The following TBC1D32 variants were observed in gnomAD, a reference collection of about 807,000 sequenced individuals.
TBC1D32 encodes TBC1 domain family member 32, also known as protein broad-minded.
A neutral mutation model predicts 170.3 loss-of-function variants in TBC1D32; 151 were observed. The observed-to-expected ratio is 0.89, with a 90% CI of 0.78 to 1.01. The LOEUF is 1.01. Among genes scored for constraint, TBC1D32 ranks in the 50% least tolerant of loss-of-function variants. The pLI, the probability that TBC1D32 is intolerant of heterozygous loss-of-function variation, is 0.00. For missense variants in TBC1D32, 1,464 were observed against 1,457.1 expected (o/e 1.00, Z -0.08); for synonymous variants, 498 against 488.0 (o/e 1.02, Z -0.27).
chr6:121,284,995 CAATG>C (rs1803571948), intron 12 of TBC1D32, among the ~76,000 whole-genome samples: 1 of 151,778 alleles, frequency 6.6e-6, no homozygotes, highest in African/African-American at 2.4e-5. Flanking sequence ...AGCTCACAAT[CAATG>C]AGAAGAAAAG....
At position 121,303,710 on chromosome 6, in the gene TBC1D32, A is replaced by AT; in HGVS notation, c.986dup (p.His329GlnfsTer2). The AT allele has an allele frequency of 6.3e-7, 1 of 1,595,130 alleles. No individual in the cohort carries two copies. The highest frequency in any genetic ancestry group is 8.6e-7 in the Non-Finnish European group (1 of 1,167,448). On this transcript the variant is annotated frameshift_variant, in exon 9 of 32. Transcript: ENST00000398212. LOFTEE classifies it high-confidence loss of function. ...TTTGTGAGACAACATGGCTTTGATTATGTTTAACTGTTAACAAGGACAAAG... is the reference window on the plus strand; with the variant it reads ...TTTGTGAGACAACATGGCTTTGATTATTGTTTAACTGTTAACAAGGACAAAG...
At chr6:121,139,883 T>C (rs1782579214) in intron 24 of TBC1D32, 1 of 152,160 alleles carries the variant, frequency 6.6e-6, no homozygotes, top group East Asian at 1.9e-4. Context: ...TTAACCAAAA[T>C]GCATTGCAAC....
At chr6:121,154,333 C>A (rs774618410) in intron 24 of TBC1D32, among the ~76,000 whole-genome samples, 4 of 152,148 alleles carry the variant, frequency 2.6e-5, no homozygotes, top group Non-Finnish European at 5.9e-5. Flanking sequence ...ACTGTCTAAC[C>A]AGTCCCAGTG....
At chr6:121,102,856 T>C (rs890197146) in intron 30 of TBC1D32, among the ~76,000 whole-genome samples, 3 of 152,136 alleles carry the variant, frequency 2.0e-5, no homozygotes, top group Non-Finnish European at 2.9e-5. Context: ...AAAGGGCTAA[T>C]ATCCAGAATC....
intron 26 of TBC1D32, among the ~76,000 whole-genome samples, chr6:121,117,571 A>T (rs1181791092): frequency 6.6e-6 from 1 of 152,006 alleles, no homozygotes; most frequent in East Asian, 1.9e-4. Flanking sequence ...GCGTGGTGGC[A>T]CATGTCTGTA....
intron 25 of TBC1D32, among the ~76,000 whole-genome samples, chr6:121,130,874 T>C (rs1336773899): frequency 6.6e-6 from 1 of 152,120 alleles, no homozygotes; most frequent in African/African-American, 2.4e-5. Flanking sequence ...AAACATAGTT[T>C]AACTGCTCAC....
At chr6:121,324,006 T>C (rs1254611980) in intron 1 of TBC1D32, among the ~76,000 whole-genome samples, 4 of 152,202 alleles carry the variant, frequency 2.6e-5, no homozygotes, top group Admixed American at 6.5e-5. Flanking sequence ...AAGCACTTTA[T>C]TGATATTATT....
At position 121,131,854 on chromosome 6, in the gene TBC1D32, C is replaced by T. The variant is rs1321159244; in HGVS notation, c.2774-102G>A. Reference sequence around the variant, plus strand: ...ACAGTTGAAAATTCCATATGGAATACATATGGCTTTCAAAGGAAAACAGAT... The same window carrying T: ...ACAGTTGAAAATTCCATATGGAATATATATGGCTTTCAAAGGAAAACAGAT... On this transcript the variant is annotated intron_variant, in intron 24 of 31. Transcript: ENST00000398212. The T allele has an allele frequency of 8.5e-6, 7 of 820,418 alleles. No homozygotes were observed. In the East Asian group the frequency reaches 1.2e-4, roughly 14 times the overall value. 50.8% of individuals were successfully genotyped at this position (820,418 alleles called of 1,614,324 possible). A position where few individuals can be genotyped will look rare whatever the true frequency, so the allele number is the denominator to read the frequency against.
At chr6:121,276,724 G>A (rs1357045413) in intron 15 of TBC1D32, among the ~76,000 whole-genome samples, 2 of 152,124 alleles carry the variant, frequency 1.3e-5, no homozygotes, top group East Asian at 1.9e-4. Flanking sequence ...GACATACCAT[G>A]CTAACTATAA....
At chr6:121,220,755 C>T (rs1794418823) in intron 21 of TBC1D32, among the ~76,000 whole-genome samples, 1 of 151,256 alleles carries the variant, frequency 6.6e-6, no homozygotes, top group Non-Finnish European at 1.5e-5. Context: ...ATTCTCCTGC[C>T]TCATCCTCCC....
At chr6:121,138,847 TC>T (rs984811262) in intron 24 of TBC1D32, among the ~76,000 whole-genome samples, 5 of 149,092 alleles carry the variant, frequency 3.4e-5, no homozygotes, top group African/African-American at 1.2e-4. Flanking sequence ...ATATTATTTT[TC>T]TTTTTTTTTT....
intron 12 of TBC1D32, among the ~76,000 whole-genome samples, chr6:121,285,350 C>G (rs1387521406): frequency 6.6e-6 from 1 of 152,164 alleles, no homozygotes; most frequent in Non-Finnish European, 1.5e-5. Flanking sequence ...CTGGTTGAGT[C>G]ATACAGAATA....
At chr6:121,206,191 CA>C (rs1374681417) in intron 21 of TBC1D32, among the ~76,000 whole-genome samples, 2 of 130,776 alleles carry the variant, frequency 1.5e-5, no homozygotes, top group Non-Finnish European at 3.2e-5. Context: ...GCCTAGGTGA[CA>C]AAGCAAGACT....
At chr6:121,224,566 C>T (rs977183360) in intron 20 of TBC1D32, 7 of 152,106 alleles carry the variant, frequency 4.6e-5, no homozygotes, top group Non-Finnish European at 1.0e-4. Flanking sequence ...GACACATACT[C>T]AGAAAGTTGG....
chr6:121,276,925 C>T (rs1255370122), intron 15 of TBC1D32, among the ~76,000 whole-genome samples: 1 of 152,124 alleles, frequency 6.6e-6, no homozygotes, highest in Non-Finnish European at 1.5e-5. Flanking sequence ...ACTGATAGAA[C>T]TGCAGGGAGA....
rs114197528 is a variant in TBC1D32, at chr6:121,304,178, T to C, written c.935+187A>G. ...GATAAATGATGTAAAGTGGTACCTG[T>C]ATACAGTAATTCACATAGCTAAGTA... On this transcript the variant is annotated intron_variant, in intron 8 of 31. Transcript: ENST00000398212. Among the ~76,000 whole-genome samples the C allele has an allele frequency of 8.8e-3, 1,336 of 151,534 alleles. 25 individuals are homozygous for C. Among genetic ancestry groups the C allele is most frequent in the African/African-American group, 0.031 (1,262 of 41,372 alleles).
chr6:121,248,802 C>T (rs2128379246), intron 17 of TBC1D32, among the ~76,000 whole-genome samples: 1 of 151,020 alleles, frequency 6.6e-6, no homozygotes, highest in Admixed American at 6.6e-5. Context: ...AAGATTTAAT[C>T]AGCAATTAAA....
In TBC1D32 at chr6:121,329,608, T is replaced by C. The variant is rs149671605; in HGVS notation, c.155+4668A>G. On this transcript the variant is annotated intron_variant, in intron 1 of 31. Transcript: ENST00000398212. ...CAGAGGTTGCAGCGAGCTGAGATCA[T>C]GCCATTGCACTCCAGCCTGGGGGAC... Among the ~76,000 whole-genome samples the C allele has an allele frequency of 8.9e-3, 1,346 of 152,060 alleles. 25 individuals are homozygous for C. Among genetic ancestry groups the C allele is most frequent in the African/African-American group, 0.031 (1,272 of 41,476 alleles).
At chr6:121,144,895 A>C (rs1023667616) in intron 24 of TBC1D32, among the ~76,000 whole-genome samples, 3 of 152,202 alleles carry the variant, frequency 2.0e-5, no homozygotes, top group Admixed American at 6.5e-5. Flanking sequence ...TCAGAGATGC[A>C]GGAGGAAAAC....
Sources: gnomAD v4.1 joint callset for allele counts (sites outside exome capture counted in the v4.1 genomes callset) on GRCh38, gnomAD v4.1.1 for gene constraint, MANE v1.5 for transcripts, NCBI Gene and HGNC (gene_info 2026-07-23, HGNC 2026-07-21) for gene names.